Variants in CDH12 observed in about 807,000 individuals in gnomAD.
CDH12 encodes the protein cadherin-12.
CDH12 carries 41 observed loss-of-function variants against 74.1 expected under a neutral mutation model. The ratio of observed to expected loss-of-function variants is 0.55; its 90% CI spans 0.43 to 0.72. The LOEUF is 0.72. Ranked by LOEUF, CDH12 falls within the 30% of genes least tolerant of loss-of-function variation. CDH12 has a pLI of 0.00. For missense variants in CDH12, 945 were observed against 977.2 expected (o/e 0.97, Z 0.44); for synonymous variants, 399 against 355.0 (o/e 1.12, Z -1.39).
At chr5:22,566,493 C>T (rs1739290317) in intron 1 of CDH12, among the ~76,000 whole-genome samples, 1 of 152,000 alleles carries the variant, frequency 6.6e-6, no homozygotes, top group African/African-American at 2.4e-5. Flanking sequence ...ACCGCCTCAG[C>T]TCCCAAAGTG....
intron 5 of CDH12, among the ~76,000 whole-genome samples, chr5:22,002,730 C>T (rs1736676675): frequency 6.6e-6 from 1 of 151,794 alleles, no homozygotes; most frequent in South Asian, 2.1e-4. Context: ...ATCTCCATAG[C>T]CTAGAGACAC....
At chr5:22,764,495 TC>T (rs1157484867) in intron 1 of CDH12, among the ~76,000 whole-genome samples, 1 of 151,942 alleles carries the variant, frequency 6.6e-6, no homozygotes, top group Non-Finnish European at 1.5e-5. Flanking sequence ...TACCATAGAA[TC>T]ATAAATATGC....
At chr5:22,113,121 A>G (rs1240774387) in intron 4 of CDH12, among the ~76,000 whole-genome samples, 2 of 152,148 alleles carry the variant, frequency 1.3e-5, no homozygotes, top group African/African-American at 4.8e-5. Flanking sequence ...ATTTAACCCT[A>G]TATATCTGAC....
chr5:22,235,589 A>T (rs10941943), intron 3 of CDH12, among the ~76,000 whole-genome samples: 8,992 of 152,142 alleles, frequency 0.059, 381 homozygotes, highest in Middle Eastern at 0.13. Context: ...AAAAAAAAAA[A>T]AATCAGAAAA....
At chr5:22,473,052 T>C (rs930669537) in intron 2 of CDH12, among the ~76,000 whole-genome samples, 1 of 152,126 alleles carries the variant, frequency 6.6e-6, no homozygotes, top group Non-Finnish European at 1.5e-5. Context: ...CTTCCTTCTT[T>C]ACTGTGTTTT....
chr5:22,414,254 C>T (rs1266448778), intron 2 of CDH12, among the ~76,000 whole-genome samples: 1 of 151,866 alleles, frequency 6.6e-6, no homozygotes, highest in Non-Finnish European at 1.5e-5. Context: ...CCATTTGATT[C>T]TGCACTTATT....
Position 22,716,625 on chromosome 5 carries a change from CA to C in CDH12, c.-523+136432del, listed in dbSNP as rs1192316329. 4.0e-4 allele frequency among the ~76,000 whole-genome samples: 54 copies of C among 136,212 alleles called. No homozygotes were observed. The East Asian group carries it at 8.5e-3, about 21-fold the overall frequency. The allele number at this position is 136,212 out of a possible 152,430, so 89.4% of individuals were successfully genotyped here. A position where few individuals can be genotyped will look rare whatever the true frequency, so the allele number is the denominator to read the frequency against. ...ACCTGAAAACTTAAAAAAAAAAAAACAAAAAATAAATGAACAGTCTCAGGTC... is the reference window on the plus strand; with the variant it reads ...ACCTGAAAACTTAAAAAAAAAAAAACAAAAATAAATGAACAGTCTCAGGTC... On this transcript the variant is annotated intron_variant, in intron 1 of 14. Coordinates refer to ENST00000382254, the MANE Select transcript of CDH12 (RefSeq NM_004061.5).
chr5:22,577,003 TA>T (rs1198749478), intron 1 of CDH12, among the ~76,000 whole-genome samples: 1 of 152,106 alleles, frequency 6.6e-6, no homozygotes. Context: ...ATATTAATAT[TA>T]AAAAAAGGAG....
chr5:22,169,071 G>A (rs1251832322), intron 4 of CDH12, among the ~76,000 whole-genome samples: 11 of 151,428 alleles, frequency 7.3e-5, no homozygotes, highest in Non-Finnish European at 1.5e-4. Flanking sequence ...GTCTAATTCA[G>A]ACCTGCTCAT....
chr5:22,083,989 T>C (rs1742907324), intron 4 of CDH12, among the ~76,000 whole-genome samples: 1 of 152,134 alleles, frequency 6.6e-6, no homozygotes, highest in Admixed American at 6.5e-5. Context: ...ATAGTTCCTC[T>C]GAAGTCCAGA....
intron 3 of CDH12, among the ~76,000 whole-genome samples, chr5:22,400,110 T>A (rs577566698): frequency 9.2e-5 from 14 of 152,296 alleles, no homozygotes; most frequent in Admixed American, 2.0e-4. Flanking sequence ...ACTTCCCCCC[T>A]TTCTAGTGGT....
At chr5:22,433,562 TA>T (rs1195226304) in intron 2 of CDH12, among the ~76,000 whole-genome samples, 2 of 151,890 alleles carry the variant, frequency 1.3e-5, no homozygotes, top group Admixed American at 6.6e-5. Flanking sequence ...AATTTTAAAA[TA>T]AAAAATAATA....
At position 21,986,007 on chromosome 5, in the gene CDH12, T is replaced by C. The variant is rs1188829092; in HGVS notation, c.232-10622A>G. On this transcript the variant is annotated intron_variant, in intron 5 of 14. Transcript: ENST00000382254. ...TCTCCCTAGTTTAATTGTTGCTATA[T>C]GAGCAAGAGGGATACCACTTTACAA... is the stretch of plus-strand genomic sequence containing the variant. 2.0e-5 allele frequency among the ~76,000 whole-genome samples: 3 copies of C among 152,160 alleles called. No homozygotes were observed. In the East Asian group the frequency reaches 5.8e-4, roughly 29 times the overall value.
intron 3 of CDH12, among the ~76,000 whole-genome samples, chr5:22,308,618 T>C (rs80303384): frequency 0.042 from 6,452 of 152,218 alleles, 473 homozygotes; most frequent in African/African-American, 0.15. Context: ...ATTATGTAAA[T>C]TGAATTTTGA....
intron 1 of CDH12, among the ~76,000 whole-genome samples, chr5:22,793,504 A>G (rs1052466979): frequency 6.6e-6 from 1 of 152,308 alleles, no homozygotes; most frequent in Non-Finnish European, 1.5e-5. Context: ...ACACCATTGT[A>G]TACTGTCTCT....
intron 3 of CDH12, among the ~76,000 whole-genome samples, chr5:22,249,789 ATCTC>A (rs928763660): frequency 9.2e-5 from 14 of 152,232 alleles, no homozygotes; most frequent in African/African-American, 1.9e-4. Context: ...TAATGGAGAA[ATCTC>A]TCTCTGTCAT....
In CDH12 at chr5:22,713,280, A is replaced by G. The variant is rs549011986; in HGVS notation, c.-523+139778T>C. On this transcript the variant is annotated intron_variant, in intron 1 of 14. Transcript: ENST00000382254. Reference sequence around the variant, plus strand: ...CTCAGCCTCCCAAGTAGCTGGGACTACAGGCACAAACCACCATGCCCCACT... The same window carrying G: ...CTCAGCCTCCCAAGTAGCTGGGACTGCAGGCACAAACCACCATGCCCCACT... Among the ~76,000 whole-genome samples, 35 of 151,640 alleles carry G rather than the reference A, an allele frequency of 2.3e-4. No individual in the cohort carries two copies. The South Asian group carries it at 6.5e-3, about 28-fold the overall frequency.
chr5:21,985,571 T>A (rs1757478345), intron 5 of CDH12, among the ~76,000 whole-genome samples: 1 of 152,154 alleles, frequency 6.6e-6, no homozygotes, highest in African/African-American at 2.4e-5. Flanking sequence ...TTGTCACTGA[T>A]TTGTTTACTT....
At chr5:22,745,217 T>C (rs1368085247) in intron 1 of CDH12, among the ~76,000 whole-genome samples, 1 of 152,032 alleles carries the variant, frequency 6.6e-6, no homozygotes, top group East Asian at 1.9e-4. Context: ...AGTATCATGG[T>C]ACTAAGTTTT....
Sources: allele counts gnomAD v4.1 joint callset (sites outside exome capture counted in the v4.1 genomes callset), GRCh38; gene constraint gnomAD v4.1.1; transcripts MANE v1.5; gene names NCBI Gene and HGNC (gene_info 2026-07-23, HGNC 2026-07-21).